CNOT2: variants seen among roughly 807,000 people sequenced by gnomAD.
CNOT2 encodes CCR4-NOT transcription complex subunit 2.
In CNOT2, 7 loss-of-function variants were observed where a neutral mutation model predicts 72.1. The observed-to-expected ratio is 0.10, with a 90% CI of 0.06 to 0.18. The LOEUF is 0.18. Ranked by LOEUF, CNOT2 falls within the 10% of genes least tolerant of loss-of-function variation. The pLI, the probability that CNOT2 is intolerant of heterozygous loss-of-function variation, is 1.00. For missense variants in CNOT2, 345 were observed against 660.3 expected, an observed-to-expected ratio of 0.52 and a Z score of 5.23; for synonymous variants, 196 against 225.6, an observed-to-expected ratio of 0.87 and a Z score of 1.17.
chr12:70,244,258 T>G (rs960433449), intron 1 of CNOT2: 12 of 152,202 alleles, frequency 7.9e-5, no homozygotes, highest in Non-Finnish European at 1.8e-4. Context: ...CACAGACGCT[T>G]CTGTCTGTGA....
chr12:70,320,884 T>C (rs962226227), intron 4 of CNOT2, among the ~76,000 whole-genome samples: 3 of 151,782 alleles, frequency 2.0e-5, no homozygotes, highest in Non-Finnish European at 4.4e-5. Context: ...CTGGTCTAAT[T>C]TTTTTAGCCT....
intron 15 of CNOT2, among the ~76,000 whole-genome samples, chr12:70,351,702 T>C (rs941537661): frequency 6.6e-6 from 1 of 152,196 alleles, no homozygotes; most frequent in African/African-American, 2.4e-5. Context: ...AATTAGACTT[T>C]TTTTCCCTGT....
chr12:70,297,490 G>T (rs929088321), intron 2 of CNOT2, among the ~76,000 whole-genome samples: 6 of 152,100 alleles, frequency 3.9e-5, no homozygotes, highest in African/African-American at 1.4e-4. Flanking sequence ...TGCTACTAGG[G>T]AATTGTTTTT....
intron 2 of CNOT2, among the ~76,000 whole-genome samples, chr12:70,280,761 A>G (rs1869676439): frequency 6.6e-6 from 1 of 152,140 alleles, no homozygotes; most frequent in African/African-American, 2.4e-5. Flanking sequence ...GGTTTGAAGT[A>G]TTGATTTTTA....
intron 2 of CNOT2, among the ~76,000 whole-genome samples, chr12:70,305,852 TG>T (rs2135938061): frequency 6.7e-6 from 1 of 148,236 alleles, no homozygotes; most frequent in African/African-American, 2.5e-5. Context: ...CTGAAGTTCT[TG>T]GTTATTTTAT....
intron 4 of CNOT2, chr12:70,324,140 A>G (rs1039530694): frequency 1.3e-5 from 2 of 151,840 alleles, no homozygotes; most frequent in African/African-American, 4.8e-5. Context: ...TGATACCTGA[A>G]TGCCATGACC....
chr12:70,319,767 T>G (rs773661490), intron 4 of CNOT2, among the ~76,000 whole-genome samples: 4 of 151,690 alleles, frequency 2.6e-5, no homozygotes, highest in Non-Finnish European at 5.9e-5. Context: ...TTAAGTAAAC[T>G]CATTACTTAG....
In CNOT2 at chr12:70,348,510, A is replaced by AT. The variant is rs955458236; in HGVS notation, c.1536+2190dup. Among the ~76,000 whole-genome samples, 24 of 152,294 alleles carry AT rather than the reference A, an allele frequency of 1.6e-4. 1 individual carries two copies. The highest frequency in any genetic ancestry group is 5.3e-4 in the African/African-American group (22 of 41,562). ...AAAACATCTTTGGAAGAAGAAAAAA[A>AT]TTTTATTAGGAAAGAACTGAAGTTT... On this transcript the variant is annotated intron_variant, in intron 15 of 15. Coordinates refer to ENST00000229195, the MANE Select transcript of CNOT2 (RefSeq NM_014515.7).
chr12:70,256,551 ATG>A (rs1184101056), intron 1 of CNOT2, among the ~76,000 whole-genome samples: 1 of 148,768 alleles, frequency 6.7e-6, no homozygotes, highest in East Asian at 2.0e-4. Flanking sequence ...AGTGAATTAA[ATG>A]TGAGGTTCTG....
chr12:70,346,100 G>A (rs1882134694), intron 14 of CNOT2, 80 bp from the exon 15 acceptor site: 5 of 922,102 alleles, frequency 5.4e-6, no homozygotes, highest in Admixed American at 2.5e-5. Flanking sequence ...TTTTTCCGGA[G>A]GAAAGCTTTA....
chr12:70,243,040 G>C (rs1338032933), upstream of CNOT2: 1 of 152,630 alleles, frequency 6.6e-6, no homozygotes, highest in Non-Finnish European at 1.5e-5. Context: ...AGCGTCCCCG[G>C]GGAGGGCGGA....
At chr12:70,332,988 A>T (rs1438993803) in intron 7 of CNOT2, 142 bp downstream of exon 7, 1 of 1,273,050 alleles carries the variant, frequency 7.9e-7, no homozygotes, top group African/African-American at 1.6e-5. Context: ...AAAAATAGGA[A>T]TAGGATTCAA....
intron 1 of CNOT2, among the ~76,000 whole-genome samples, chr12:70,257,368 T>C (rs999033989): frequency 2.1e-5 from 3 of 145,008 alleles, no homozygotes; most frequent in African/African-American, 8.2e-5. Flanking sequence ...TTTTTTTTTT[T>C]TTTTCTTTTT....
chr12:70,339,384 C>T (rs1881189259), intron 11 of CNOT2, among the ~76,000 whole-genome samples: 1 of 152,054 alleles, frequency 6.6e-6, no homozygotes, highest in African/African-American at 2.4e-5. Flanking sequence ...ACTGTTCTTC[C>T]AGATCCCCGT....
intron 1 of CNOT2, among the ~76,000 whole-genome samples, chr12:70,260,148 C>T (rs569679537): frequency 6.6e-6 from 1 of 152,242 alleles, no homozygotes; most frequent in South Asian, 2.1e-4. Context: ...CCATGAATTT[C>T]CATATGAATT....
intron 5 of CNOT2, among the ~76,000 whole-genome samples, chr12:70,329,812 G>C (rs1448315970): frequency 6.6e-6 from 1 of 151,904 alleles, no homozygotes; most frequent in Non-Finnish European, 1.5e-5. Context: ...ATCATTTCCT[G>C]GGGAGCTTTT....
At chr12:70,280,421 C>G (rs1010774259) in intron 2 of CNOT2, among the ~76,000 whole-genome samples, 1 of 151,918 alleles carries the variant, frequency 6.6e-6, no homozygotes, top group Non-Finnish European at 1.5e-5. Context: ...TTAAATCTTC[C>G]GAATTGATGA....
At chr12:70,310,869 C>A in intron 2 of CNOT2, 26 bp from the exon 3 acceptor site, 7 of 1,604,842 alleles carry the variant, frequency 4.4e-6, no homozygotes, top group Non-Finnish European at 6.0e-6. Context: ...AGTATTACCC[C>A]TGATAAAAGT....
chr12:70,253,288 C>G lies in CNOT2; in HGVS notation c.-96+9808C>G, dbSNP rs546136552. 1.6e-4 allele frequency among the ~76,000 whole-genome samples: 24 copies of G among 152,136 alleles called. No individual in the cohort carries two copies. In the South Asian group the frequency reaches 5.0e-3, roughly 32 times the overall value. On this transcript the variant is annotated intron_variant, in intron 1 of 15. Transcript: ENST00000229195. ...TTTTTTCTTCTGTGCCTGTTTTCTT[C>G]CTTAAAATTAATAAAATATTTTCTT...
Sources: gnomAD v4.1 joint callset for allele counts (sites outside exome capture counted in the v4.1 genomes callset) on GRCh38, gnomAD v4.1.1 for gene constraint, MANE v1.5 for transcripts, NCBI Gene and HGNC (gene_info 2026-07-23, HGNC 2026-07-21) for gene names.